Variants in ANO3 observed in about 807,000 individuals in gnomAD.
ANO3 encodes anoctamin 3, also known as anoctamin-3.
ANO3 carries 99 observed loss-of-function variants against 144.8 expected under a neutral mutation model. The ratio of observed to expected loss-of-function variants is 0.68; its 90% CI spans 0.58 to 0.81. ANO3 has a LOEUF of 0.81. Among genes scored for constraint, ANO3 ranks in the 30% least tolerant of loss-of-function variants. The probability of loss-of-function intolerance (pLI) is 0.00; values close to 1 mark genes in which losing one functional copy is unlikely to be tolerated. For missense variants in ANO3, 905 were observed against 1,202.2 expected (o/e 0.75, Z 3.66); for synonymous variants, 414 against 392.6 (o/e 1.05, Z -0.64).
intron 1 of ANO3, among the ~76,000 whole-genome samples, chr11:26,367,191 G>A (rs1856115978): frequency 2.6e-5 from 4 of 152,154 alleles, no homozygotes; most frequent in Admixed American, 2.6e-4. Context: ...CAGGACATAG[G>A]CATGGGCAAG....
intron 1 of ANO3, among the ~76,000 whole-genome samples, chr11:26,366,423 T>G (rs1319707482): frequency 6.6e-6 from 1 of 152,182 alleles, no homozygotes. Flanking sequence ...AAGTCTTTGC[T>G]ATTGTGAGTA....
intron 1 of ANO3, among the ~76,000 whole-genome samples, chr11:26,197,129 G>A (rs1851604097): frequency 6.6e-6 from 1 of 151,954 alleles, no homozygotes; most frequent in Non-Finnish European, 1.5e-5. Flanking sequence ...CTCATCCATG[G>A]GTGTCCAGCA....
chr11:26,269,177 C>T (rs1853382479), intron 1 of ANO3, among the ~76,000 whole-genome samples: 2 of 152,198 alleles, frequency 1.3e-5, no homozygotes, highest in Non-Finnish European at 2.9e-5. Flanking sequence ...GCTCCCTCCA[C>T]CCTCCATACT....
intron 17 of ANO3, among the ~76,000 whole-genome samples, chr11:26,622,882 A>G (rs1565760): frequency 0.24 from 37,004 of 152,192 alleles, 5,664 homozygotes; most frequent in South Asian, 0.45. Context: ...CTAACTTTCA[A>G]TCCCCACAAA....
chr11:26,533,105 C>T (rs954929927), intron 8 of ANO3, among the ~76,000 whole-genome samples: 2 of 151,982 alleles, frequency 1.3e-5, no homozygotes, highest in Non-Finnish European at 2.9e-5. Context: ...CAGAGTCTAA[C>T]AAAATAGACA....
chr11:26,503,526 C>G (rs751893907), intron 4 of ANO3, among the ~76,000 whole-genome samples: 1 of 152,094 alleles, frequency 6.6e-6, no homozygotes, highest in Non-Finnish European at 1.5e-5. Flanking sequence ...GTTCTTGCTA[C>G]GTAATTCAGA....
chr11:26,625,061 G>GGT (rs1565150334), intron 18 of ANO3, among the ~76,000 whole-genome samples: 3 of 152,046 alleles, frequency 2.0e-5, no homozygotes, highest in Non-Finnish European at 4.4e-5. Flanking sequence ...AGTAGTTGGG[G>GGT]ACTACAGGCG....
intron 14 of ANO3, among the ~76,000 whole-genome samples, chr11:26,575,497 C>G (rs1242769512): frequency 6.6e-6 from 1 of 151,912 alleles, no homozygotes; most frequent in Non-Finnish European, 1.5e-5. Context: ...AATTTTGCAA[C>G]AGATTAGTGC....
chr11:26,472,520 A>G (rs1355195913), intron 4 of ANO3, among the ~76,000 whole-genome samples: 1 of 151,948 alleles, frequency 6.6e-6, no homozygotes. Flanking sequence ...CCATGCTGTC[A>G]AGCACTGTGC....
intron 14 of ANO3, chr11:26,566,972 T>C: frequency 8.1e-7 from 1 of 1,227,544 alleles, no homozygotes; most frequent in Non-Finnish European, 1.1e-6. Context: ...CTAACCTCCA[T>C]TTAATATTCA....
In ANO3 at chr11:26,542,022, G is replaced by A; in HGVS notation, c.1108G>A (p.Ala370Thr). The A allele has an allele frequency of 6.2e-7, 1 of 1,612,798 alleles. No individual in the cohort carries two copies. Among genetic ancestry groups the A allele is most frequent in the Non-Finnish European group, 8.5e-7 (1 of 1,179,174 alleles). Residue 370 changes from alanine (A) to threonine (T), a missense_variant, in exon 11 of 27, where the codon GCA (alanine) becomes ACA (threonine). Physicochemically the swap from Ala to Thr is moderately conservative, Grantham distance 58 (BLOSUM62 0). This residue lies in a region of ANO3 where 597 missense variants were observed against 865.1 expected (regional missense o/e 0.69). Transcript: ENST00000256737. ...CAGACATCTATTATATGAGCGCTGG[G>A]CACGCTGGGGAATGTGGTATAAGCA... ...NNRHLLYERW[A>T]RWGMWYKHQP...
intron 4 of ANO3, among the ~76,000 whole-genome samples, chr11:26,487,552 T>C (rs897506543): frequency 6.6e-6 from 1 of 152,082 alleles, no homozygotes; most frequent in African/African-American, 2.4e-5. Context: ...CAGAACAGTT[T>C]GGAGGGCTCA....
chr11:26,497,461 C>T (rs1001238313), intron 4 of ANO3, among the ~76,000 whole-genome samples: 1 of 152,004 alleles, frequency 6.6e-6, no homozygotes, highest in Non-Finnish European at 1.5e-5. Context: ...TACATTTTCA[C>T]CAACCACAAT....
At chr11:26,464,931 T>C (rs1859543313) in intron 4 of ANO3, among the ~76,000 whole-genome samples, 1 of 151,800 alleles carries the variant, frequency 6.6e-6, no homozygotes, top group Admixed American at 6.6e-5. Flanking sequence ...TAAATGCCAT[T>C]TTGGTAGTCT....
intron 11 of ANO3, among the ~76,000 whole-genome samples, chr11:26,544,087 A>G (rs1158042512): frequency 1.3e-5 from 2 of 151,264 alleles, no homozygotes; most frequent in Non-Finnish European, 2.9e-5. Flanking sequence ...AGCTATATCT[A>G]TTAGGAATTA....
In ANO3 at chr11:26,531,265, C is replaced by T; in HGVS notation, c.798C>T (p.Asp266=). The stretch of plus-strand genomic sequence containing the variant: ...TGGCCCAAAACCCAATGGTTCTTGA[C>T]AAGTCAGCTTTTCCAGACCTAGAGG... ...NWMAQNPMVL[D]KSAFPDLEES... Residue 266 remains aspartate (D), a synonymous_variant, in exon 8 of 27, where the codon GAC becomes GAT. Coordinates refer to ENST00000256737, the MANE Select transcript of ANO3 (RefSeq NM_031418.4). The T allele has an allele frequency of 6.2e-7, 1 of 1,614,028 alleles. No individual in the cohort carries two copies. The highest frequency in any genetic ancestry group is 8.5e-7 in the Non-Finnish European group (1 of 1,179,980).
intron 1 of ANO3, among the ~76,000 whole-genome samples, chr11:26,291,144 A>T (rs2133853842): frequency 6.6e-6 from 1 of 152,226 alleles, no homozygotes; most frequent in Admixed American, 6.5e-5. Flanking sequence ...TATTGAATTG[A>T]TCCCTTTACC....
At chr11:26,364,721 A>T (rs954578708) in intron 1 of ANO3, among the ~76,000 whole-genome samples, 2 of 152,190 alleles carry the variant, frequency 1.3e-5, no homozygotes, top group Admixed American at 6.5e-5. Flanking sequence ...GATGGTGCTA[A>T]ATCATTCATG....
chr11:26,369,744 G>GT (rs1014073628), intron 1 of ANO3, among the ~76,000 whole-genome samples: 3 of 151,692 alleles, frequency 2.0e-5, no homozygotes, highest in Non-Finnish European at 2.9e-5. Context: ...TCTCCTTACA[G>GT]TTTTTTTTCT....
Sources: gnomAD v4.1 joint callset for allele counts (sites outside exome capture counted in the v4.1 genomes callset) on GRCh38, gnomAD v4.1.1 for gene constraint, gnomAD v4.1.1 regional missense constraint, MANE v1.5 for transcripts, NCBI Gene and HGNC (gene_info 2026-07-23, HGNC 2026-07-21) for gene names.